TMEFF2: variants seen among roughly 807,000 people sequenced by gnomAD.
TMEFF2 encodes transmembrane protein with EGF like and two follistatin like domains 2.
In TMEFF2, 28 loss-of-function variants were observed where a neutral mutation model predicts 53.8. That is an observed-to-expected ratio of 0.52 (90% CI 0.39 to 0.71). TMEFF2 has a LOEUF of 0.71. TMEFF2 is among the 30% of genes least tolerant of loss of function. The pLI is 0.00. For missense variants in TMEFF2, 353 were observed against 455.2 expected (o/e 0.78, Z 2.04); for synonymous variants, 162 against 166.3 (o/e 0.97, Z 0.20).
intron 7 of TMEFF2, among the ~76,000 whole-genome samples, chr2:191,965,220 A>G (rs1030104070): frequency 1.3e-5 from 2 of 152,050 alleles, no homozygotes; most frequent in African/African-American, 4.8e-5. Context: ...AGGTACCTCA[A>G]ACTCATCAGA....
chr2:192,057,664 A>G lies in TMEFF2; in HGVS notation c.536+15T>C. The stretch of plus-strand genomic sequence containing the variant: ...TGTCATTATTTTGTCTAAAAGAATA[A>G]AAACAGCATATTACCAGACATCCTC... On this transcript the variant is annotated intron_variant, in intron 5 of 9. Transcript: ENST00000272771. 6.2e-7 allele frequency: 1 copy of G among 1,608,446 alleles called. No homozygotes were observed. The highest frequency in any genetic ancestry group is 8.5e-7 in the Non-Finnish European group (1 of 1,174,890).
At chr2:192,094,287 T>A (rs980021806) in intron 4 of TMEFF2, among the ~76,000 whole-genome samples, 1 of 152,148 alleles carries the variant, frequency 6.6e-6, no homozygotes, top group Non-Finnish European at 1.5e-5. Flanking sequence ...ATTATCATGC[T>A]CCTCATGTTT....
At chr2:192,112,371 T>G (rs1328856310) in intron 4 of TMEFF2, among the ~76,000 whole-genome samples, 1 of 152,186 alleles carries the variant, frequency 6.6e-6, no homozygotes, top group African/African-American at 2.4e-5. Context: ...TTTAAGATTT[T>G]ACTGCCCCAC....
intron 7 of TMEFF2, among the ~76,000 whole-genome samples, chr2:191,985,438 C>T (rs1205909689): frequency 6.6e-6 from 1 of 152,136 alleles, no homozygotes; most frequent in Non-Finnish European, 1.5e-5. Context: ...GGATTTACCT[C>T]AGTTTTTCTT....
At chr2:192,141,250 C>T (rs971264010) in intron 4 of TMEFF2, among the ~76,000 whole-genome samples, 1 of 151,782 alleles carries the variant, frequency 6.6e-6, no homozygotes, top group African/African-American at 2.4e-5. Flanking sequence ...GTCAGGAGTT[C>T]GAGACCAGCC....
intron 4 of TMEFF2, among the ~76,000 whole-genome samples, chr2:192,067,061 T>C (rs905838452): frequency 6.6e-6 from 1 of 151,732 alleles, no homozygotes; most frequent in African/African-American, 2.4e-5. Context: ...GGTTACTAAG[T>C]GGAAACAGCA....
chr2:192,181,452 G>A (rs1204100209), intron 3 of TMEFF2, among the ~76,000 whole-genome samples: 1 of 151,574 alleles, frequency 6.6e-6, no homozygotes, highest in Non-Finnish European at 1.5e-5. Flanking sequence ...GAACATAATG[G>A]GAAATGCATA....
intron 4 of TMEFF2, among the ~76,000 whole-genome samples, chr2:192,126,861 C>CAAAT (rs1281890426): frequency 6.6e-6 from 1 of 151,860 alleles, no homozygotes; most frequent in Non-Finnish European, 1.5e-5. Context: ...AACAAACAAA[C>CAAAT]AAAAGCTTGT....
At chr2:192,165,615 G>A (rs1690744616) in intron 4 of TMEFF2, among the ~76,000 whole-genome samples, 1 of 151,930 alleles carries the variant, frequency 6.6e-6, no homozygotes, top group Non-Finnish European at 1.5e-5. Context: ...TACCCCCTTT[G>A]AAAGCAGCAT....
intron 4 of TMEFF2, among the ~76,000 whole-genome samples, chr2:192,082,669 A>G (rs1046855803): frequency 2.0e-5 from 3 of 152,098 alleles, no homozygotes; most frequent in Non-Finnish European, 4.4e-5. Context: ...TGCTTTGCCT[A>G]TTTACTTACT....
At chr2:192,077,849 TAA>T (rs1016179095) in intron 4 of TMEFF2, among the ~76,000 whole-genome samples, 3 of 152,234 alleles carry the variant, frequency 2.0e-5, no homozygotes, top group Non-Finnish European at 2.9e-5. Flanking sequence ...TGATTTCTTA[TAA>T]GAGACTTAAC....
chr2:192,078,175 G>C (rs1688476520), intron 4 of TMEFF2, among the ~76,000 whole-genome samples: 2 of 152,226 alleles, frequency 1.3e-5, no homozygotes, highest in Admixed American at 1.3e-4. Flanking sequence ...TATAACACCA[G>C]GTTAAGTCTG....
intron 4 of TMEFF2, among the ~76,000 whole-genome samples, chr2:192,079,992 G>A (rs879509288): frequency 6.6e-6 from 1 of 152,112 alleles, no homozygotes; most frequent in African/African-American, 2.4e-5. Context: ...ATAGAATTGA[G>A]GCTGGCAGAG....
intron 5 of TMEFF2, among the ~76,000 whole-genome samples, chr2:192,031,113 T>C (rs955191279): frequency 2.0e-5 from 3 of 152,348 alleles, no homozygotes; most frequent in Admixed American, 6.5e-5. Context: ...TAGGAAAGCC[T>C]TCCTTGGTCA....
chr2:192,181,099 T>A (rs1307478224), intron 3 of TMEFF2, among the ~76,000 whole-genome samples: 1 of 151,770 alleles, frequency 6.6e-6, no homozygotes, highest in African/African-American at 2.4e-5. Flanking sequence ...TTAATGATAA[T>A]AGACCAAGAA....
At chr2:192,113,980 A>G (rs538503614) in intron 4 of TMEFF2, among the ~76,000 whole-genome samples, 6 of 152,076 alleles carry the variant, frequency 3.9e-5, no homozygotes, top group African/African-American at 1.2e-4. Flanking sequence ...TCTATGCTTT[A>G]ATAACATTGA....
intron 6 of TMEFF2, among the ~76,000 whole-genome samples, chr2:191,998,761 T>G (rs1005138045): frequency 6.6e-6 from 1 of 152,014 alleles, no homozygotes; most frequent in Non-Finnish European, 1.5e-5. Context: ...TAAAAATGTT[T>G]TTGAGTTTCT....
At chr2:191,974,268 T>TTG (rs1419946920) in intron 7 of TMEFF2, among the ~76,000 whole-genome samples, 3 of 150,070 alleles carry the variant, frequency 2.0e-5, no homozygotes, top group African/African-American at 7.5e-5. Context: ...AGAATTTTTT[T>TTG]TGTGTGTGTG....
intron 5 of TMEFF2, among the ~76,000 whole-genome samples, chr2:192,034,130 G>C (rs1027812975): frequency 6.8e-6 from 1 of 146,396 alleles, no homozygotes; most frequent in Non-Finnish European, 1.5e-5. Context: ...AGCCGAGATC[G>C]TGCCACTGCA....
Sources: allele counts gnomAD v4.1 joint callset (sites outside exome capture counted in the v4.1 genomes callset), GRCh38; gene constraint gnomAD v4.1.1; transcripts MANE v1.5; gene names NCBI Gene and HGNC (gene_info 2026-07-23, HGNC 2026-07-21).